The following CREB3L3 variants were observed in gnomAD, a reference collection of about 807,000 sequenced individuals.
CREB3L3 encodes the protein cAMP responsive element binding protein 3 like 3.
CREB3L3 carries 40 observed loss-of-function variants against 44.6 expected under a neutral mutation model. That is an observed-to-expected ratio of 0.90 (90% CI 0.70 to 1.17). The LOEUF (loss-of-function observed/expected upper bound fraction) is 1.17, where lower values mean the gene tolerates loss of function less well. Among genes scored for constraint, CREB3L3 ranks in the 50% most tolerant of loss-of-function variants. The probability of loss-of-function intolerance (pLI) is 0.00; values close to 1 mark genes in which losing one functional copy is unlikely to be tolerated. For synonymous variants in CREB3L3, 273 were observed against 256.3 expected (o/e 1.06, Z -0.62); for missense variants, 578 against 595.8 (o/e 0.97, Z 0.31).
rs1439225917 is a variant in CREB3L3 at position 4,153,723 on chromosome 19, T to A, written c.-25T>A. 2 of 1,613,860 alleles carry A rather than the reference T, an allele frequency of 1.2e-6. No individual in the cohort carries two copies. The highest frequency in any genetic ancestry group is 1.7e-6 in the Non-Finnish European group (2 of 1,179,984). Reference sequence around the variant, plus strand: ...CTTGGAGCAGAGACCCCCCGAGGCATCTGCAGACAGAACTGGATGGACCCA... The same window carrying A: ...CTTGGAGCAGAGACCCCCCGAGGCAACTGCAGACAGAACTGGATGGACCCA... On this transcript the variant is annotated 5_prime_UTR_variant, in exon 1 of 10. Coordinates refer to ENST00000078445, the MANE Select transcript of CREB3L3 (RefSeq NM_032607.3).
At chr19:4,154,749 A>C in intron 1 of CREB3L3, 150 bp from the exon 2 acceptor site, 1 of 1,084,710 alleles carries the variant, frequency 9.2e-7, no homozygotes. Context: ...AGATTTGGAA[A>C]GGGAGTCTCA....
chr19:4,156,757 C>T (rs2041585226), intron 2 of CREB3L3, among the ~76,000 whole-genome samples: 1 of 152,072 alleles, frequency 6.6e-6, no homozygotes, highest in Non-Finnish European at 1.5e-5. Context: ...CCTCCTCGGC[C>T]TCCCAAAGTG....
rs755353083 is a variant in CREB3L3, at chr19:4,171,909, G to A, written c.1326G>A (p.Ala442=). Residue 442 remains alanine, a synonymous_variant, in exon 10 of 10, where the codon GCG becomes GCA. Coordinates refer to ENST00000078445, the MANE Select transcript of CREB3L3 (RefSeq NM_032607.3). The surrounding 1 kb of genome is among the most constrained non-coding windows in gnomAD (Gnocchi z 4.9). ...LGQVALLDWV[A]PGPSTGSGRA... The stretch of plus-strand genomic sequence containing the variant: ...AGGTCGCCCTGCTGGACTGGGTGGC[G>A]CCTGGGCCGAGCACTGGCTCAGGAC... 16 of 1,611,884 alleles carry A rather than the reference G, an allele frequency of 9.9e-6. No homozygotes were observed. Among genetic ancestry groups the A allele is most frequent in the South Asian group, 6.6e-5 (6 of 91,022 alleles).
rs982354151 is a variant in CREB3L3 at position 4,170,194 on chromosome 19, C to G, written c.876C>G (p.Leu292=). Residue 292 remains leucine, a synonymous_variant, in exon 7 of 10, where the codon CTC becomes CTG. Coordinates refer to ENST00000078445, the MANE Select transcript of CREB3L3 (RefSeq NM_032607.3). The part of the protein sequence containing the change: ...NQELQRKVLH[L]EKQNLSLLEQ... ...AGTTACAGAGGAAAGTCTTGCATCTCGAGAAGCAAAACCTGTGAGTCTGGG... is the reference window on the plus strand; with the variant it reads ...AGTTACAGAGGAAAGTCTTGCATCTGGAGAAGCAAAACCTGTGAGTCTGGG... The G allele has an allele frequency of 6.8e-6, 11 of 1,613,952 alleles. No homozygotes were observed. The highest frequency in any genetic ancestry group is 4.0e-5 in the African/African-American group (3 of 74,906).
chr19:4,157,407 C>A, intron 3 of CREB3L3, 112 bp downstream of exon 3: 2 of 1,206,994 alleles, frequency 1.7e-6, no homozygotes, highest in Non-Finnish European at 1.2e-6. Flanking sequence ...GGTCACACAG[C>A]AATTTGGAGC....
At position 4,157,203 on chromosome 19, in the gene CREB3L3, C is replaced by A. The variant is rs935290104; in HGVS notation, c.365C>A (p.Pro122His). 2 of 1,614,096 alleles carry A rather than the reference C, an allele frequency of 1.2e-6. No homozygotes were observed. The change falls in exon 3 of 10, where the codon CCC (proline) becomes CAC (histidine). Residue 122 changes from proline (P) to histidine (H), a missense_variant. By Grantham distance (77) the Pro-to-His change is moderately conservative. Transcript: ENST00000078445. ...GCHPAQPGKGPCLSYHPGNSC... is the reference protein window; with the variant it reads ...GCHPAQPGKGHCLSYHPGNSC... Reference sequence around the variant, plus strand: ...CATCCTGCCCAGCCTGGCAAGGGGCCCTGCCTCTCCTATCATCCTGGCAAC... The same window carrying A: ...CATCCTGCCCAGCCTGGCAAGGGGCACTGCCTCTCCTATCATCCTGGCAAC...
intron 6 of CREB3L3, 134 bp downstream of exon 6, chr19:4,168,591 C>T: frequency 1.4e-6 from 1 of 701,862 alleles, no homozygotes; most frequent in Non-Finnish European, 2.5e-6. Context: ...AGAGATCATG[C>T]TTCTTACTGA....
rs1289614318 is a variant in CREB3L3, at chr19:4,164,521, G to A, written c.595G>A (p.Ala199Thr). 1 of 1,614,030 alleles carries A rather than the reference G, an allele frequency of 6.2e-7. No homozygotes were observed. The highest frequency in any genetic ancestry group is 8.5e-7 in the Non-Finnish European group (1 of 1,180,016). The change falls in exon 5 of 10, where the codon GCC becomes ACC. Residue 199 changes from alanine to threonine, a missense_variant. Ala to Thr is a moderately conservative substitution (Grantham distance 58). Transcript: ENST00000078445. ...TCCGTAGCAACAGCATCACCTGGGG[G>A]CCTCCTACCTCCTGCGACCTGGGGC... is the stretch of plus-strand genomic sequence containing the variant. ...SGDLQQHHLG[A>T]SYLLRPGAGH...
At chr19:4,164,711 C>A (rs531821453) in intron 5 of CREB3L3, 71 bp downstream of exon 5, 2 of 1,537,530 alleles carry the variant, frequency 1.3e-6, no homozygotes, top group South Asian at 1.1e-5. Context: ...TGTGTCCCAC[C>A]TTTATTTATT....
intron 3 of CREB3L3, 135 bp from the exon 4 acceptor site, chr19:4,159,529 A>AGAAGCAGT: frequency 1.4e-6 from 1 of 699,334 alleles, no homozygotes; most frequent in Non-Finnish European, 2.6e-6. Context: ...TGGGGACTCC[A>AGAAGCAGT]AACTCTGGCA....
chr19:4,160,759 C>G (rs938849168), intron 4 of CREB3L3, among the ~76,000 whole-genome samples: 8 of 146,770 alleles, frequency 5.5e-5, no homozygotes, highest in Non-Finnish European at 1.2e-4. Flanking sequence ...TTTGAGATGG[C>G]GTCTTGCTCT....
At chr19:4,167,308 A>C (rs1382438010) in intron 5 of CREB3L3, among the ~76,000 whole-genome samples, 1 of 149,538 alleles carries the variant, frequency 6.7e-6, no homozygotes, top group Non-Finnish European at 1.5e-5. Context: ...TTGCCACTGC[A>C]CTCCAGCCTG....
chr19:4,158,032 A>C (rs2041608744), intron 3 of CREB3L3, among the ~76,000 whole-genome samples: 1 of 152,144 alleles, frequency 6.6e-6, no homozygotes, highest in Non-Finnish European at 1.5e-5. Context: ...CCTAGGTTCC[A>C]GGGTGCTCCT....
Position 4,157,252 on chromosome 19 carries a change from G to A in CREB3L3, c.414G>A (p.Gly138=). The change falls in exon 3 of 10, where the codon GGG becomes GGA. Residue 138 remains glycine (G), a synonymous_variant. Transcript: ENST00000078445. ...ACTCTTGCTCCACCACAACCCCAGG[G>A]CCAGTGATCCAAGTACCTGAAGCCT... ...PGNSCSTTTP[G]PVIQVPEASV... 6.2e-7 allele frequency: 1 copy of A among 1,614,148 alleles called. No homozygotes were observed. Among genetic ancestry groups the A allele is most frequent in the Non-Finnish European group, 8.5e-7 (1 of 1,180,038 alleles).
intron 7 of CREB3L3, among the ~76,000 whole-genome samples, chr19:4,170,706 A>G (rs350849): frequency 0.83 from 125,003 of 151,044 alleles, 52,289 homozygotes; most frequent in Middle Eastern, 0.9. Context: ...TCGGGAGATC[A>G]AGACCATCCT....
chr19:4,167,317 TG>T (rs1966926948), intron 5 of CREB3L3, among the ~76,000 whole-genome samples: 1 of 134,428 alleles, frequency 7.4e-6, no homozygotes, highest in African/African-American at 2.9e-5. Flanking sequence ...CACTCCAGCC[TG>T]GGTGACAAGA....
chr19:4,156,658 C>T (rs535937731), intron 2 of CREB3L3, among the ~76,000 whole-genome samples: 39 of 151,684 alleles, frequency 2.6e-4, no homozygotes, highest in South Asian at 1.5e-3. Context: ...CCCGCCACCA[C>T]GCCCAGCTAC....
chr19:4,157,184 GC>G lies in CREB3L3; in HGVS notation c.349del (p.Gln117SerfsTer24). ...PATSPAGCHP[A>X]QPGKGPCLSY... is the part of the protein sequence containing the mutation. ...CACCTCCCCCGCCGGCTGCCATCCT[GC>G]CCAGCCTGGCAAGGGGCCCTGCCTC... is the stretch of plus-strand genomic sequence containing the variant. On this transcript the variant is annotated frameshift_variant, in exon 3 of 10. Coordinates refer to ENST00000078445, the MANE Select transcript of CREB3L3 (RefSeq NM_032607.3). LOFTEE classifies it high-confidence loss of function. 1 of 1,613,882 alleles carries G rather than the reference GC, an allele frequency of 6.2e-7. No individual in the cohort carries two copies. The highest frequency in any genetic ancestry group is 1.1e-5 in the South Asian group (1 of 91,054).
Position 4,171,835 on chromosome 19 carries a change from C to A in CREB3L3, c.1252C>A (p.Leu418Met). The A allele has an allele frequency of 6.2e-7, 1 of 1,613,692 alleles. No homozygotes were observed. Among genetic ancestry groups the A allele is most frequent in the Non-Finnish European group, 8.5e-7 (1 of 1,180,028 alleles). ...TANLTNSTEE[L>M]DNATLVLRNA... ...GAACCTGACCAATTCGACGGAGGAGCTGGACAACGCCACCCTGGTCCTGAG... is the reference window on the plus strand; with the variant it reads ...GAACCTGACCAATTCGACGGAGGAGATGGACAACGCCACCCTGGTCCTGAG... The change falls in exon 10 of 10, where the codon CTG becomes ATG. Residue 418 changes from leucine (L) to methionine (M), a missense_variant. Leu to Met is a conservative substitution (Grantham distance 15). Transcript: ENST00000078445. The surrounding 1 kb of genome is among the most constrained non-coding windows in gnomAD (Gnocchi z 4.9).
Sources: allele counts gnomAD v4.1 joint callset (sites outside exome capture counted in the v4.1 genomes callset), GRCh38; gene constraint gnomAD v4.1.1; non-coding constraint Gnocchi (gnomAD v3.1); transcripts MANE v1.5; gene names NCBI Gene and HGNC (gene_info 2026-07-23, HGNC 2026-07-21).